CLDN10: variants seen among roughly 807,000 people sequenced by gnomAD.
The protein encoded by CLDN10 is claudin 10.
In CLDN10, 15 loss-of-function variants were observed where a neutral mutation model predicts 22.9. That is an observed-to-expected ratio of 0.65 (90% confidence interval 0.44 to 1.01). CLDN10 has a LOEUF of 1.01. Ranked by LOEUF, CLDN10 falls within the 50% of genes least tolerant of loss-of-function variation. CLDN10 has a pLI of 0.00. For synonymous variants in CLDN10, 114 were observed against 111.4 expected, an observed-to-expected ratio of 1.02 and a Z score of -0.15; for missense variants, 247 against 287.8, an observed-to-expected ratio of 0.86 and a Z score of 1.03.
chr13:95,547,417 C>T (rs1047109828), intron 1 of CLDN10, among the ~76,000 whole-genome samples: 1 of 152,126 alleles, frequency 6.6e-6, no homozygotes, highest in Non-Finnish European at 1.5e-5. Flanking sequence ...CTGCTGTTAG[C>T]CTAACCGATT....
chr13:95,511,986 C>T (rs1223214471), intron 1 of CLDN10, among the ~76,000 whole-genome samples: 2 of 134,564 alleles, frequency 1.5e-5, no homozygotes, highest in Non-Finnish European at 3.3e-5. Context: ...TCTCCTAATG[C>T]TATCCCCCCC....
At chr13:95,474,814 AG>A (rs1369156807) in intron 1 of CLDN10, among the ~76,000 whole-genome samples, 1 of 151,272 alleles carries the variant, frequency 6.6e-6, no homozygotes, top group East Asian at 2.0e-4. Flanking sequence ...AGCTCATTCC[AG>A]GGGGTAGGGT....
At chr13:95,462,916 G>A (rs914536915) in intron 1 of CLDN10, among the ~76,000 whole-genome samples, 6 of 152,100 alleles carry the variant, frequency 3.9e-5, no homozygotes, top group Non-Finnish European at 7.3e-5. Flanking sequence ...AACAATCTAC[G>A]GGCTCAGGGA....
At chr13:95,480,727 C>T (rs896185961) in intron 1 of CLDN10, among the ~76,000 whole-genome samples, 1 of 152,208 alleles carries the variant, frequency 6.6e-6, no homozygotes, top group Non-Finnish European at 1.5e-5. Flanking sequence ...GCAAACAACC[C>T]ACGTGAATTC....
chr13:95,538,805 G>A, intron 1 of CLDN10, among the ~76,000 whole-genome samples: 1 of 152,146 alleles, frequency 6.6e-6, no homozygotes, highest in Non-Finnish European at 1.5e-5. Context: ...TAATGCCTTA[G>A]ATTCCATTCC....
intron 1 of CLDN10, among the ~76,000 whole-genome samples, chr13:95,473,943 C>A (rs1171997285): frequency 6.6e-6 from 1 of 152,202 alleles, no homozygotes; most frequent in Non-Finnish European, 1.5e-5. Flanking sequence ...AATAGAACAG[C>A]GGTCCCCAAC....
At position 95,473,132 on chromosome 13, in the gene CLDN10, C is replaced by G. The variant is rs148745097; in HGVS notation, c.214+39085C>G. ...TTCAAGCTGGGTGACAGAGTGAAAA[C>G]CTATCTCAAAAAAAAAAAAAAAAAA... On this transcript the variant is annotated intron_variant, in intron 1 of 4. Transcript: ENST00000376873. 6.3e-3 allele frequency among the ~76,000 whole-genome samples: 827 copies of G among 130,360 alleles called. 10 individuals carry two copies. Among genetic ancestry groups the G allele is most frequent in the African/African-American group, 0.026 (781 of 30,106 alleles). 85.5% of individuals were successfully genotyped at this position (130,360 alleles called of 152,430 possible). A position where few individuals can be genotyped will look rare whatever the true frequency, so the allele number is the denominator to read the frequency against.
intron 1 of CLDN10, among the ~76,000 whole-genome samples, chr13:95,510,037 T>C (rs529848883): frequency 6.6e-6 from 1 of 152,306 alleles, no homozygotes; most frequent in East Asian, 1.9e-4. Context: ...AAACTACCAA[T>C]GTGTTGTCAT....
At chr13:95,505,479 A>G (rs1306088405) in intron 1 of CLDN10, among the ~76,000 whole-genome samples, 1 of 152,178 alleles carries the variant, frequency 6.6e-6, no homozygotes, top group African/African-American at 2.4e-5. Flanking sequence ...TATAAGGACT[A>G]TGGTCTTTGG....
At chr13:95,509,178 T>C (rs1455763730) in intron 1 of CLDN10, among the ~76,000 whole-genome samples, 1 of 152,008 alleles carries the variant, frequency 6.6e-6, no homozygotes, top group Non-Finnish European at 1.5e-5. Context: ...ACATGGGAGA[T>C]GAAAGAGATA....
chr13:95,440,907 G>A (rs758047504), intron 1 of CLDN10, among the ~76,000 whole-genome samples: 6 of 152,212 alleles, frequency 3.9e-5, no homozygotes, highest in Admixed American at 6.5e-5. Flanking sequence ...CCATAGCAGC[G>A]GACGACTGGA....
chr13:95,498,428 T>A (rs968638589), intron 1 of CLDN10, among the ~76,000 whole-genome samples: 1 of 152,204 alleles, frequency 6.6e-6, no homozygotes, highest in African/African-American at 2.4e-5. Flanking sequence ...CAGGGATTGC[T>A]CTGTTGCCCA....
intron 1 of CLDN10, among the ~76,000 whole-genome samples, chr13:95,502,082 C>A (rs1351947742): frequency 6.6e-6 from 1 of 152,178 alleles, no homozygotes; most frequent in African/African-American, 2.4e-5. Context: ...AGCCCCCACA[C>A]CCAATCCTTT....
At chr13:95,465,583 A>T (rs1479017848) in intron 1 of CLDN10, among the ~76,000 whole-genome samples, 1 of 152,230 alleles carries the variant, frequency 6.6e-6, no homozygotes, top group Admixed American at 6.5e-5. Context: ...GCCACCTGGC[A>T]GGTGAATAAC....
chr13:95,555,606 A>G (rs1329499605), intron 1 of CLDN10, among the ~76,000 whole-genome samples: 1 of 152,226 alleles, frequency 6.6e-6, no homozygotes, highest in Admixed American at 6.5e-5. Flanking sequence ...AATTTGTAAT[A>G]GAATCATATT....
At chr13:95,516,968 C>CTCCTTCCT (rs59808109) in intron 1 of CLDN10, among the ~76,000 whole-genome samples, 34 of 135,522 alleles carry the variant, frequency 2.5e-4, no homozygotes, top group African/African-American at 6.0e-4. Flanking sequence ...AATAGATTCT[C>CTCCTTCCT]TCCTTCCTTC....
intron 1 of CLDN10, among the ~76,000 whole-genome samples, chr13:95,476,994 C>T (rs981438114): frequency 2.0e-5 from 3 of 152,010 alleles, no homozygotes; most frequent in South Asian, 2.1e-4. Flanking sequence ...GGAGGAGAGG[C>T]GGGATGCAGA....
Position 95,578,063 on chromosome 13 carries a change from G to C in CLDN10, c.*49G>C. 1 of 1,103,570 alleles carries C rather than the reference G, an allele frequency of 9.1e-7. No individual in the cohort carries two copies. Among genetic ancestry groups the C allele is most frequent in the Non-Finnish European group, 1.4e-6 (1 of 736,142 alleles). The allele number at this position is 1,103,570 out of a possible 1,614,324, so 68.4% of individuals were successfully genotyped here. On this transcript the variant is annotated 3_prime_UTR_variant, in exon 5 of 5. Coordinates refer to ENST00000299339, the MANE Select transcript of CLDN10 (RefSeq NM_006984.5). Reference sequence around the variant, plus strand: ...CTTGAGTTTGTTATAAAAGCGAACTGTTCACAAAATGATCCCATCAAGGCC... The same window carrying C: ...CTTGAGTTTGTTATAAAAGCGAACTCTTCACAAAATGATCCCATCAAGGCC...
intron 1 of CLDN10, among the ~76,000 whole-genome samples, chr13:95,558,790 G>T (rs116102467): frequency 0.01 from 1,568 of 152,182 alleles, 30 homozygotes; most frequent in African/African-American, 0.036. Context: ...CCATAGGTGG[G>T]GGCAAGCGCC....
Sources: allele counts gnomAD v4.1 joint callset (sites outside exome capture counted in the v4.1 genomes callset), GRCh38; gene constraint gnomAD v4.1.1; transcripts MANE v1.5; gene names NCBI Gene and HGNC (gene_info 2026-07-23, HGNC 2026-07-21).